Variants in ARHGEF26 observed in about 807,000 individuals in gnomAD.
ARHGEF26 encodes the protein Rho guanine nucleotide exchange factor 26, also known as Rho guanine nucleotide exchange factor (GEF) 26.
Under a neutral mutation model 89.4 loss-of-function variants are expected in ARHGEF26, and 59 were observed. The ratio of observed to expected loss-of-function variants is 0.66; its 90% CI spans 0.54 to 0.82. ARHGEF26 has a LOEUF of 0.82. Among genes scored for constraint, ARHGEF26 ranks in the 40% least tolerant of loss-of-function variants. ARHGEF26 has a pLI of 0.00. For missense variants in ARHGEF26, 1,234 were observed against 1,085.6 expected, an observed-to-expected ratio of 1.14 and a Z score of -1.92; for synonymous variants, 500 against 428.4, an observed-to-expected ratio of 1.17 and a Z score of -2.06.
intron 2 of ARHGEF26, among the ~76,000 whole-genome samples, chr3:154,124,155 T>C (rs1718176571): frequency 6.6e-6 from 1 of 152,228 alleles, no homozygotes; most frequent in Non-Finnish European, 1.5e-5. Flanking sequence ...CTGCTAGTTA[T>C]TTGAGGATTC....
At chr3:154,218,233 G>A (rs1181795488) in intron 10 of ARHGEF26, among the ~76,000 whole-genome samples, 1 of 152,068 alleles carries the variant, frequency 6.6e-6, no homozygotes, top group East Asian at 1.9e-4. Context: ...TAATAGAATA[G>A]GGTAGTTAAA....
In ARHGEF26 at chr3:154,122,194, G is replaced by T; in HGVS notation, c.202G>T (p.Val68Leu). 1 of 1,602,470 alleles carries T rather than the reference G, an allele frequency of 6.2e-7. No individual in the cohort carries two copies. The highest frequency in any genetic ancestry group is 8.5e-7 in the Non-Finnish European group (1 of 1,174,844). Residue 68 changes from valine (V) to leucine (L), a missense_variant, in exon 2 of 15, where the codon GTG becomes TTG. By Grantham distance (32) the Val-to-Leu change is conservative. Coordinates refer to ENST00000465093, the MANE Select transcript of ARHGEF26 (RefSeq NM_015595.4). Reference protein sequence around the residue: ...TLLAAQIPAQVPTASDSRTVH... With the variant: ...TLLAAQIPAQLPTASDSRTVH... ...CCTCGCAGCGCAGATTCCCGCCCAG[G>T]TGCCCACCGCCTCGGACAGCAGGAC...
At chr3:154,215,330 T>C (rs78802001) in intron 9 of ARHGEF26, among the ~76,000 whole-genome samples, 1,679 of 152,226 alleles carry the variant, frequency 0.011, 24 homozygotes, top group African/African-American at 0.038. Flanking sequence ...GAGAGGGTCC[T>C]TTGGATCCCT....
intron 3 of ARHGEF26, among the ~76,000 whole-genome samples, chr3:154,125,908 C>T (rs1718301634): frequency 6.6e-6 from 1 of 152,040 alleles, no homozygotes; most frequent in Non-Finnish European, 1.5e-5. Flanking sequence ...GCCAGGCAGA[C>T]CTGGGTTCCT....
intron 9 of ARHGEF26, among the ~76,000 whole-genome samples, chr3:154,203,280 G>C (rs1172507735): frequency 6.6e-6 from 1 of 152,092 alleles, no homozygotes; most frequent in East Asian, 1.9e-4. Context: ...CTTTGGTTCT[G>C]TTTATATGCT....
chr3:154,207,492 TA>T (rs979325301), intron 9 of ARHGEF26, among the ~76,000 whole-genome samples: 7 of 149,956 alleles, frequency 4.7e-5, no homozygotes, highest in Admixed American at 1.3e-4. Context: ...AACAAACATA[TA>T]AAAAAAAAGC....
At position 154,187,682 on chromosome 3, in the gene ARHGEF26, C is replaced by T. The variant is rs1713671919; in HGVS notation, c.1488-3C>T. The T allele has an allele frequency of 3.1e-6, 5 of 1,588,738 alleles. No homozygotes were observed. The East Asian group carries it at 9.0e-5, about 29-fold the overall frequency. ...TAATTTTTTTTTCCCTTTGGTTTTT[C>T]AGGTTCTTTATAGAGTTGGAAGCAA... On this transcript the variant is annotated splice_polypyrimidine_tract_variant and splice_region_variant and intron_variant, in intron 6 of 14. Transcript: ENST00000465093.
chr3:154,247,440 A>G (rs1717868346), intron 12 of ARHGEF26, among the ~76,000 whole-genome samples: 1 of 152,104 alleles, frequency 6.6e-6, no homozygotes, highest in Non-Finnish European at 1.5e-5. Context: ...TCCTAGGTCA[A>G]CCACATGGCT....
intron 6 of ARHGEF26, among the ~76,000 whole-genome samples, chr3:154,155,297 TTAC>T (rs1412493003): frequency 6.6e-6 from 1 of 152,046 alleles, no homozygotes; most frequent in Non-Finnish European, 1.5e-5. Flanking sequence ...AGCACTAACA[TTAC>T]ATCAACAAAA....
At chr3:154,217,300 T>G (rs1175117574) in intron 9 of ARHGEF26, among the ~76,000 whole-genome samples, 3 of 151,686 alleles carry the variant, frequency 2.0e-5, no homozygotes, top group Admixed American at 1.3e-4. Context: ...GATGAGCATT[T>G]TTTCATGTGT....
Position 154,161,806 on chromosome 3 carries a change from A to T in ARHGEF26, c.1487+8874A>T, listed in dbSNP as rs372601913. The stretch of plus-strand genomic sequence containing the variant: ...CTAGATTAGGACTAAAACCTGAGCT[A>T]TTTTTTCCAACCAGCCTGGTGTTTT... On this transcript the variant is annotated intron_variant, in intron 6 of 14. Transcript: ENST00000465093. Among the ~76,000 whole-genome samples, 19 of 152,176 alleles carry T rather than the reference A, an allele frequency of 1.2e-4. No homozygotes were observed. In the East Asian group the frequency reaches 2.3e-3, roughly 19 times the overall value.
chr3:154,123,525 GA>G (rs1718131227), intron 2 of ARHGEF26, among the ~76,000 whole-genome samples: 1 of 152,174 alleles, frequency 6.6e-6, no homozygotes, highest in Non-Finnish European at 1.5e-5. Flanking sequence ...TGAGCCTGTT[GA>G]TTATTTTTTG....
At chr3:154,222,386 A>G (rs910954954) in intron 10 of ARHGEF26, among the ~76,000 whole-genome samples, 6 of 152,160 alleles carry the variant, frequency 3.9e-5, no homozygotes, top group African/African-American at 1.4e-4. Flanking sequence ...AGCTAGTGTA[A>G]AGTTAGAGCA....
chr3:154,253,353 G>A (rs1468174208), intron 13 of ARHGEF26, among the ~76,000 whole-genome samples, 170 bp downstream of exon 13: 15 of 152,194 alleles, frequency 9.9e-5, no homozygotes, highest in Non-Finnish European at 8.8e-5. Context: ...AAGTCAGGGG[G>A]TCTGAATTCA....
intron 11 of ARHGEF26, among the ~76,000 whole-genome samples, chr3:154,228,367 C>A (rs1340465574): frequency 6.6e-6 from 1 of 151,684 alleles, no homozygotes; most frequent in African/African-American, 2.4e-5. Flanking sequence ...GAACTCCTGA[C>A]CTCAGGTGAT....
intron 6 of ARHGEF26, chr3:154,187,148 C>G: frequency 1.2e-6 from 1 of 832,868 alleles, no homozygotes; most frequent in Non-Finnish European, 1.4e-6. Context: ...CTTCGGCCTC[C>G]CAGAGTGCTG....
chr3:154,145,654 G>A (rs1719657031), intron 4 of ARHGEF26, among the ~76,000 whole-genome samples: 1 of 152,118 alleles, frequency 6.6e-6, no homozygotes, highest in Non-Finnish European at 1.5e-5. Flanking sequence ...AAACACTATC[G>A]AGTCATGGAG....
intron 6 of ARHGEF26, among the ~76,000 whole-genome samples, chr3:154,164,781 A>G (rs550752637): frequency 5.9e-5 from 9 of 152,290 alleles, no homozygotes; most frequent in African/African-American, 2.2e-4. Context: ...TATTTGATAC[A>G]CACTACTTAG....
intron 6 of ARHGEF26, among the ~76,000 whole-genome samples, chr3:154,155,230 T>C (rs1275608958): frequency 6.6e-6 from 1 of 152,062 alleles, no homozygotes; most frequent in Non-Finnish European, 1.5e-5. Context: ...GTCAGTAAAA[T>C]ATTACTAAAC....
Sources: allele counts gnomAD v4.1 joint callset (sites outside exome capture counted in the v4.1 genomes callset), GRCh38; gene constraint gnomAD v4.1.1; transcripts MANE v1.5; gene names NCBI Gene and HGNC (gene_info 2026-07-23, HGNC 2026-07-21).